Variants in NRXN1 observed in about 807,000 individuals in gnomAD.
NRXN1 encodes the protein neurexin-1.
Under a neutral mutation model 150.9 loss-of-function variants are expected in NRXN1, and 39 were observed. That is an observed-to-expected ratio of 0.26 (90% CI 0.20 to 0.34). The LOEUF (loss-of-function observed/expected upper bound fraction) is 0.34, where lower values mean the gene tolerates loss of function less well. Ranked by LOEUF, NRXN1 falls within the 10% of genes least tolerant of loss-of-function variation. The probability of loss-of-function intolerance (pLI) is 1.00; values close to 1 mark genes in which losing one functional copy is unlikely to be tolerated. For synonymous variants in NRXN1, 924 were observed against 757.0 expected, an observed-to-expected ratio of 1.22 and a Z score of -3.62; for missense variants, 1,815 against 1,949.9, an observed-to-expected ratio of 0.93 and a Z score of 1.30.
intron 18 of NRXN1, among the ~76,000 whole-genome samples, chr2:50,144,066 T>C (rs1446647904): frequency 6.6e-6 from 1 of 151,934 alleles, no homozygotes; most frequent in East Asian, 1.9e-4. Flanking sequence ...AAATAAATTA[T>C]TCACTATCAT....
intron 21 of NRXN1, among the ~76,000 whole-genome samples, chr2:50,045,255 T>G (rs1478932782): frequency 6.6e-6 from 1 of 152,196 alleles, no homozygotes; most frequent in African/African-American, 2.4e-5. Context: ...TAATATTGAC[T>G]TAGTTTTTTG....
intron 5 of NRXN1, among the ~76,000 whole-genome samples, chr2:50,812,077 GA>G (rs201893879): frequency 4.1e-4 from 60 of 147,166 alleles, no homozygotes; most frequent in South Asian, 6.5e-4. Context: ...GAAACCAGAT[GA>G]AAAAAAAAAC....
chr2:50,907,536 C>T (rs62140655), intron 5 of NRXN1, among the ~76,000 whole-genome samples: 8 of 151,918 alleles, frequency 5.3e-5, no homozygotes, highest in South Asian at 4.1e-4. Flanking sequence ...ATGTTAATTA[C>T]GTTTGCTAAT....
At chr2:50,999,624 T>C (rs948442521) in intron 2 of NRXN1, among the ~76,000 whole-genome samples, 5 of 151,946 alleles carry the variant, frequency 3.3e-5, no homozygotes, top group African/African-American at 7.2e-5. Context: ...TTAGGGAAAA[T>C]AGAAAAGAAC....
At chr2:50,423,744 G>A (rs1436875710) in intron 17 of NRXN1, among the ~76,000 whole-genome samples, 3 of 152,004 alleles carry the variant, frequency 2.0e-5, no homozygotes, top group African/African-American at 7.2e-5. Flanking sequence ...GCATCAGATA[G>A]TATCATTATT....
intron 21 of NRXN1, among the ~76,000 whole-genome samples, chr2:49,979,397 C>T (rs536072465): frequency 1.4e-3 from 209 of 152,280 alleles, no homozygotes; most frequent in African/African-American, 4.7e-3. Context: ...TATTAAGGCA[C>T]GGAGAGCCTT....
chr2:50,128,258 A>C (rs887121546), intron 18 of NRXN1, among the ~76,000 whole-genome samples: 4 of 152,194 alleles, frequency 2.6e-5, no homozygotes, highest in African/African-American at 9.7e-5. Flanking sequence ...TGGAGGAAAA[A>C]AGAAAAAAGA....
chr2:50,913,777 T>C (rs183918352), intron 5 of NRXN1, among the ~76,000 whole-genome samples: 2 of 151,868 alleles, frequency 1.3e-5, no homozygotes, highest in African/African-American at 4.8e-5. Context: ...AAGGGAGAAC[T>C]GCAGTTTTGT....
At chr2:50,509,676 T>G (rs1438521377) in intron 12 of NRXN1, among the ~76,000 whole-genome samples, 1 of 152,226 alleles carries the variant, frequency 6.6e-6, no homozygotes, top group African/African-American at 2.4e-5. Context: ...GTCCTCTTGC[T>G]ATAATTTTAA....
chr2:50,273,161 C>T (rs2069935637), intron 17 of NRXN1, among the ~76,000 whole-genome samples: 1 of 152,168 alleles, frequency 6.6e-6, no homozygotes, highest in South Asian at 2.1e-4. Flanking sequence ...GGGCAACTCT[C>T]AACACTGTTC....
intron 18 of NRXN1, among the ~76,000 whole-genome samples, chr2:50,227,548 C>T (rs942506795): frequency 6.6e-6 from 1 of 151,968 alleles, no homozygotes; most frequent in Non-Finnish European, 1.5e-5. Flanking sequence ...AGTGGGTGAA[C>T]ATTATCAGCC....
At chr2:50,480,331 A>C (rs578031239) in intron 15 of NRXN1, among the ~76,000 whole-genome samples, 35 of 152,294 alleles carry the variant, frequency 2.3e-4, no homozygotes, top group African/African-American at 8.2e-4. Context: ...AAATATGTAC[A>C]AAAATCTTTG....
chr2:50,907,649 TAC>T (rs1262350820), intron 5 of NRXN1, among the ~76,000 whole-genome samples: 1 of 151,952 alleles, frequency 6.6e-6, no homozygotes, highest in Non-Finnish European at 1.5e-5. Context: ...AAAATGTGAC[TAC>T]AGAAGAATGG....
chr2:50,327,748 C>A (rs2076484572), intron 17 of NRXN1, among the ~76,000 whole-genome samples: 1 of 151,942 alleles, frequency 6.6e-6, no homozygotes, highest in Admixed American at 6.6e-5. Context: ...CTCCCACGTT[C>A]AAGGGATTCT....
In NRXN1 at chr2:51,012,857, C is replaced by A. The variant is rs112319840; in HGVS notation, c.772+14645G>T. On this transcript the variant is annotated intron_variant, in intron 2 of 22. Transcript: ENST00000401669. ...TTTTGTGAGTACTATAATTTTTTTTCTCTGGTTTTTGTTTTCTTTGTTTTG... is the reference window on the plus strand; with the variant it reads ...TTTTGTGAGTACTATAATTTTTTTTATCTGGTTTTTGTTTTCTTTGTTTTG... Among the ~76,000 whole-genome samples the A allele has an allele frequency of 5.7e-3, 868 of 152,028 alleles. 2 individuals are homozygous for A. Among genetic ancestry groups the A allele is most frequent in the Non-Finnish European group, 8.6e-3 (586 of 67,912 alleles).
chr2:50,357,741 A>G (rs1386295571), intron 17 of NRXN1, among the ~76,000 whole-genome samples: 1 of 152,214 alleles, frequency 6.6e-6, no homozygotes, highest in Non-Finnish European at 1.5e-5. Context: ...TTTTAGCCCA[A>G]TTCACAGTGG....
chr2:50,164,770 A>G (rs2059572141), intron 18 of NRXN1, among the ~76,000 whole-genome samples: 1 of 152,136 alleles, frequency 6.6e-6, no homozygotes, highest in Admixed American at 6.5e-5. Context: ...GAAAGAGACA[A>G]CGCATTCTTA....
At chr2:50,224,272 C>A (rs946346858) in intron 18 of NRXN1, among the ~76,000 whole-genome samples, 1 of 151,780 alleles carries the variant, frequency 6.6e-6, no homozygotes, top group African/African-American at 2.4e-5. Context: ...GGTTCAAAGA[C>A]AGGCAGTTAT....
chr2:50,696,083 T>A (rs1692796410), intron 5 of NRXN1: 1 of 152,064 alleles, frequency 6.6e-6, no homozygotes, highest in Non-Finnish European at 1.5e-5. Context: ...CCTCAGGTGA[T>A]CCATCCGCCT....
Sources: gnomAD v4.1 joint callset for allele counts (sites outside exome capture counted in the v4.1 genomes callset) on GRCh38, gnomAD v4.1.1 for gene constraint, MANE v1.5 for transcripts, NCBI Gene and HGNC (gene_info 2026-07-23, HGNC 2026-07-21) for gene names.